The following CMIP variants were observed in gnomAD, a reference collection of about 807,000 sequenced individuals.
The protein encoded by CMIP is c-Maf inducing protein.
A neutral mutation model predicts 97.3 loss-of-function variants in CMIP; 13 were observed. The observed-to-expected ratio is 0.13, with a 90% confidence interval of 0.09 to 0.21. The LOEUF is 0.21. Among genes scored for constraint, CMIP ranks in the 10% least tolerant of loss-of-function variants. CMIP has a pLI of 1.00. For missense variants in CMIP, 847 were observed against 1,024.9 expected, an observed-to-expected ratio of 0.83 and a Z score of 2.37; for synonymous variants, 538 against 436.3, an observed-to-expected ratio of 1.23 and a Z score of -2.91.
chr16:81,447,472 A>C (rs1057146137), intron 1 of CMIP, among the ~76,000 whole-genome samples: 2 of 151,976 alleles, frequency 1.3e-5, no homozygotes, highest in African/African-American at 4.8e-5. Flanking sequence ...TATCTGAGAG[A>C]AAGAGGGAAG....
At chr16:81,492,062 G>A (rs542929574) in intron 1 of CMIP, among the ~76,000 whole-genome samples, 5 of 152,272 alleles carry the variant, frequency 3.3e-5, no homozygotes, top group Admixed American at 6.5e-5. Context: ...GAATATCTGC[G>A]TGCCTGTAGC....
At chr16:81,664,041 G>T (rs1215849688) in intron 6 of CMIP, among the ~76,000 whole-genome samples, 1 of 152,160 alleles carries the variant, frequency 6.6e-6, no homozygotes, top group Non-Finnish European at 1.5e-5. Context: ...GCGTGCCGGG[G>T]GCAGGGGGTA....
chr16:81,649,549 A>G (rs531893703), intron 3 of CMIP, among the ~76,000 whole-genome samples: 1 of 152,240 alleles, frequency 6.6e-6, no homozygotes, highest in Non-Finnish European at 1.5e-5. Context: ...ATGTTCACCA[A>G]ATATTAATGG....
At chr16:81,477,641 G>A (rs940127519) in intron 1 of CMIP, among the ~76,000 whole-genome samples, 5 of 152,224 alleles carry the variant, frequency 3.3e-5, no homozygotes, top group Non-Finnish European at 7.3e-5. Flanking sequence ...TAAAAATGCA[G>A]CAGCTTAAAC....
At chr16:81,501,314 T>C (rs1402890677) in intron 1 of CMIP, among the ~76,000 whole-genome samples, 1 of 152,216 alleles carries the variant, frequency 6.6e-6, no homozygotes, top group Non-Finnish European at 1.5e-5. Context: ...CCGTCCTATT[T>C]TGGGACTGGT....
At chr16:81,680,143 C>G (rs1261528672) in intron 10 of CMIP, among the ~76,000 whole-genome samples, 2 of 152,216 alleles carry the variant, frequency 1.3e-5, no homozygotes. Context: ...TCCCGGGGCC[C>G]TCAGCCTGCA....
At chr16:81,511,572 T>A (rs2089810350) in intron 1 of CMIP, among the ~76,000 whole-genome samples, 1 of 152,214 alleles carries the variant, frequency 6.6e-6, no homozygotes, top group Non-Finnish European at 1.5e-5. Flanking sequence ...AATTCCTAGT[T>A]TGTTTTTACA....
chr16:81,694,929 A>C (rs1040150630), intron 13 of CMIP, among the ~76,000 whole-genome samples: 1 of 152,168 alleles, frequency 6.6e-6, no homozygotes, highest in Non-Finnish European at 1.5e-5. Context: ...GAGTGTCTCC[A>C]TTTTTCTTAA....
At chr16:81,468,951 T>G (rs1371757686) in intron 1 of CMIP, among the ~76,000 whole-genome samples, 1 of 152,212 alleles carries the variant, frequency 6.6e-6, no homozygotes, top group East Asian at 1.9e-4. Flanking sequence ...CCTTGGGACT[T>G]TGGACTTCAA....
At chr16:81,495,192 A>G (rs1218463220) in intron 1 of CMIP, among the ~76,000 whole-genome samples, 4 of 152,150 alleles carry the variant, frequency 2.6e-5, no homozygotes, top group East Asian at 1.9e-4. Flanking sequence ...AGCTCTCACC[A>G]TCATCATCAT....
chr16:81,471,413 CACAT>C (rs1300330241), intron 1 of CMIP, among the ~76,000 whole-genome samples: 11 of 139,346 alleles, frequency 7.9e-5, no homozygotes, highest in South Asian at 6.5e-4. Context: ...AATGCATACA[CACAT>C]ACATGTACAT....
chr16:81,604,117 G>T (rs2091701627), intron 1 of CMIP, among the ~76,000 whole-genome samples: 1 of 152,198 alleles, frequency 6.6e-6, no homozygotes, highest in Non-Finnish European at 1.5e-5. Flanking sequence ...GTATGGGTTG[G>T]GTGTGGTGGC....
intron 1 of CMIP, among the ~76,000 whole-genome samples, chr16:81,485,954 G>A (rs1049638377): frequency 1.3e-5 from 2 of 152,186 alleles, no homozygotes; most frequent in East Asian, 1.9e-4. Flanking sequence ...TCACTCAGGC[G>A]CTGTGAGTGT....
chr16:81,465,249 C>T (rs898996381), intron 1 of CMIP, among the ~76,000 whole-genome samples: 6 of 152,130 alleles, frequency 3.9e-5, no homozygotes, highest in South Asian at 2.1e-4. Context: ...TTGCATGTGC[C>T]GTTTTTTCCA....
intron 2 of CMIP, chr16:81,620,039 G>C (rs961164274): frequency 6.6e-6 from 1 of 152,178 alleles, no homozygotes; most frequent in East Asian, 1.9e-4. Context: ...TAATAATAAC[G>C]ATGGCTGCAT....
chr16:81,465,131 G>A (rs975502553), intron 1 of CMIP, among the ~76,000 whole-genome samples: 2 of 152,108 alleles, frequency 1.3e-5, no homozygotes, highest in Admixed American at 1.3e-4. Flanking sequence ...TAAAGAACTC[G>A]GGTTTGTTGT....
chr16:81,491,415 G>A (rs935048692), intron 1 of CMIP, among the ~76,000 whole-genome samples: 2 of 152,194 alleles, frequency 1.3e-5, no homozygotes, highest in Non-Finnish European at 2.9e-5. Flanking sequence ...TCCTTACAGA[G>A]CTTTTGTGAG....
At chr16:81,688,256 A>G (rs1905641105) in intron 10 of CMIP, among the ~76,000 whole-genome samples, 1 of 152,152 alleles carries the variant, frequency 6.6e-6, no homozygotes, top group African/African-American at 2.4e-5. Context: ...TGCACACAGG[A>G]AGGAGGCTCT....
intron 10 of CMIP, among the ~76,000 whole-genome samples, chr16:81,688,020 C>T (rs1292585668): frequency 6.6e-6 from 1 of 152,256 alleles, no homozygotes; most frequent in Non-Finnish European, 1.5e-5. Flanking sequence ...CCCCGGTGCG[C>T]AGGCAGCGCA....
Sources: gnomAD v4.1 joint callset for allele counts (sites outside exome capture counted in the v4.1 genomes callset) on GRCh38, gnomAD v4.1.1 for gene constraint, MANE v1.5 for transcripts, NCBI Gene and HGNC (gene_info 2026-07-23, HGNC 2026-07-21) for gene names.